Variants in SEMA5A observed in about 807,000 individuals in gnomAD.
SEMA5A encodes the protein semaphorin-5A.
Under a neutral mutation model 135.5 loss-of-function variants are expected in SEMA5A, and 55 were observed. The ratio of observed to expected loss-of-function variants is 0.41; its 90% CI spans 0.33 to 0.51. The LOEUF (loss-of-function observed/expected upper bound fraction) is 0.51, where lower values mean the gene tolerates loss of function less well. Ranked by LOEUF, SEMA5A falls within the 20% of genes least tolerant of loss-of-function variation. The pLI is 0.37. For synonymous variants in SEMA5A, 580 were observed against 546.5 expected (o/e 1.06, Z -0.85); for missense variants, 1,290 against 1,419.9 (o/e 0.91, Z 1.47).
At chr5:9,232,522 G>A (rs1348662845) in intron 6 of SEMA5A, among the ~76,000 whole-genome samples, 1 of 152,064 alleles carries the variant, frequency 6.6e-6, no homozygotes, top group Non-Finnish European at 1.5e-5. Context: ...GTGTATAAAG[G>A]TTGTATCTAT....
At chr5:9,488,268 T>C (rs538979568) in intron 1 of SEMA5A, among the ~76,000 whole-genome samples, 9 of 152,192 alleles carry the variant, frequency 5.9e-5, no homozygotes, top group Non-Finnish European at 1.2e-4. Flanking sequence ...ACATGTAAAA[T>C]TGGTCTAGAT....
intron 13 of SEMA5A, among the ~76,000 whole-genome samples, chr5:9,133,940 G>C (rs570796877): frequency 3.1e-4 from 47 of 152,124 alleles, no homozygotes; most frequent in Non-Finnish European, 6.2e-4. Context: ...AATCATGGGG[G>C]TGGTTTCTCC....
At chr5:9,263,400 C>A (rs933040749) in intron 5 of SEMA5A, among the ~76,000 whole-genome samples, 12 of 152,134 alleles carry the variant, frequency 7.9e-5, no homozygotes, top group Admixed American at 6.6e-5. Flanking sequence ...GGAGCATGAG[C>A]CCTATTGTGA....
chr5:9,324,251 G>C (rs888283325), intron 4 of SEMA5A, among the ~76,000 whole-genome samples: 54 of 151,806 alleles, frequency 3.6e-4, no homozygotes, highest in African/African-American at 1.2e-3. Flanking sequence ...TGTATTTTTA[G>C]TAGAGACGGG....
intron 3 of SEMA5A, among the ~76,000 whole-genome samples, chr5:9,352,094 C>CG (rs3842076): frequency 0.18 from 23,280 of 132,318 alleles, 2,537 homozygotes; most frequent in Middle Eastern, 0.29. Context: ...TGTAACAGGT[C>CG]GGGGGGGTTA....
intron 5 of SEMA5A, among the ~76,000 whole-genome samples, chr5:9,299,816 G>A (rs918959178): frequency 1.3e-5 from 2 of 152,142 alleles, no homozygotes; most frequent in African/African-American, 4.8e-5. Context: ...ACAGACAAAA[G>A]CCATACTTCA....
At chr5:9,457,137 G>C (rs190201531) in intron 1 of SEMA5A, among the ~76,000 whole-genome samples, 184 of 152,262 alleles carry the variant, frequency 1.2e-3, no homozygotes, top group South Asian at 8.3e-4. Context: ...ACCACGTGCT[G>C]CTTCTAAATT....
At chr5:9,254,581 G>A (rs907928896) in intron 5 of SEMA5A, among the ~76,000 whole-genome samples, 1 of 152,096 alleles carries the variant, frequency 6.6e-6, no homozygotes, top group African/African-American at 2.4e-5. Context: ...AAACAGGAAA[G>A]GTCAGACCAT....
At chr5:9,177,525 C>T (rs1194480731) in intron 11 of SEMA5A, among the ~76,000 whole-genome samples, 2 of 152,172 alleles carry the variant, frequency 1.3e-5, no homozygotes, top group East Asian at 3.8e-4. Context: ...TGTTGATATG[C>T]ATTTTCTGAA....
chr5:9,351,747 T>C (rs1482288788), intron 3 of SEMA5A, among the ~76,000 whole-genome samples: 1 of 152,188 alleles, frequency 6.6e-6, no homozygotes, highest in African/African-American at 2.4e-5. Flanking sequence ...CCCACACAGA[T>C]GAAGACATAT....
chr5:9,457,964 G>A (rs922014654), intron 1 of SEMA5A, among the ~76,000 whole-genome samples: 16 of 126,524 alleles, frequency 1.3e-4, no homozygotes, highest in Admixed American at 2.9e-4. Flanking sequence ...ATGGAGTGCA[G>A]TGGCGCCATC....
intron 2 of SEMA5A, among the ~76,000 whole-genome samples, chr5:9,392,474 G>A (rs918557310): frequency 6.6e-6 from 1 of 152,118 alleles, no homozygotes; most frequent in Non-Finnish European, 1.5e-5. Context: ...GTAAATTGAG[G>A]GGGGGAAGCT....
At chr5:9,388,190 C>T (rs1001269812) in intron 2 of SEMA5A, among the ~76,000 whole-genome samples, 1 of 152,038 alleles carries the variant, frequency 6.6e-6, no homozygotes, top group Non-Finnish European at 1.5e-5. Flanking sequence ...TGGAAAAAAG[C>T]AAACATTAAA....
chr5:9,483,026 T>C (rs1759934827), intron 1 of SEMA5A, among the ~76,000 whole-genome samples: 1 of 152,218 alleles, frequency 6.6e-6, no homozygotes, highest in Non-Finnish European at 1.5e-5. Flanking sequence ...TGTTGTGACC[T>C]TATTGTGGTA....
chr5:9,452,059 C>G (rs1304901919), intron 1 of SEMA5A, among the ~76,000 whole-genome samples: 1 of 152,204 alleles, frequency 6.6e-6, no homozygotes, highest in Non-Finnish European at 1.5e-5. Flanking sequence ...CTTCCTTTCA[C>G]CCACTTCCTT....
chr5:9,281,237 A>T (rs1750526051), intron 5 of SEMA5A, among the ~76,000 whole-genome samples: 1 of 152,178 alleles, frequency 6.6e-6, no homozygotes, highest in Admixed American at 6.5e-5. Flanking sequence ...CTAGCACAGA[A>T]TTTTTCTCTT....
At chr5:9,484,384 T>C (rs529369930) in intron 1 of SEMA5A, among the ~76,000 whole-genome samples, 2 of 152,286 alleles carry the variant, frequency 1.3e-5, no homozygotes, top group Admixed American at 6.5e-5. Flanking sequence ...AACACACCGG[T>C]TGTTATTTAG....
At chr5:9,403,617 C>T (rs1756757789) in intron 2 of SEMA5A, among the ~76,000 whole-genome samples, 1 of 152,176 alleles carries the variant, frequency 6.6e-6, no homozygotes, top group African/African-American at 2.4e-5. Context: ...CAATGATTAA[C>T]ACATACCTGC....
chr5:9,047,286 CATT>C (rs1736318903), intron 21 of SEMA5A, among the ~76,000 whole-genome samples: 1 of 152,178 alleles, frequency 6.6e-6, no homozygotes, highest in Non-Finnish European at 1.5e-5. Context: ...GATACTGTGT[CATT>C]AGTCAAATGA....
Sources: gnomAD v4.1 joint callset for allele counts (sites outside exome capture counted in the v4.1 genomes callset) on GRCh38, gnomAD v4.1.1 for gene constraint, MANE v1.5 for transcripts, NCBI Gene and HGNC (gene_info 2026-07-23, HGNC 2026-07-21) for gene names.